The following CHD7 variants were observed in gnomAD, a reference collection of about 807,000 sequenced individuals.
The protein encoded by CHD7 is chromodomain helicase DNA binding protein 7.
CHD7 carries 24 observed loss-of-function variants against 307.3 expected under a neutral mutation model. The ratio of observed to expected loss-of-function variants is 0.08; its 90% CI spans 0.06 to 0.11. The LOEUF is 0.11. Among genes scored for constraint, CHD7 ranks in the 10% least tolerant of loss-of-function variants. CHD7 has a pLI of 1.00. For synonymous variants in CHD7, 1,363 were observed against 1,349.9 expected (o/e 1.01, Z -0.21); for missense variants, 3,106 against 3,727.1 (o/e 0.83, Z 4.34).
At chr8:60,760,129 C>T (rs1188861235) in intron 2 of CHD7, among the ~76,000 whole-genome samples, 1 of 152,160 alleles carries the variant, frequency 6.6e-6, no homozygotes, top group Non-Finnish European at 1.5e-5. Context: ...CTTTGGAAAT[C>T]TGAAATATAC....
chr8:60,824,043 T>C (rs1296397514), intron 13 of CHD7, 27 bp downstream of exon 13: 1 of 1,593,470 alleles, frequency 6.3e-7, no homozygotes, highest in East Asian at 2.2e-5. Context: ...GTGATTGCAC[T>C]GAACCTGAAT....
intron 2 of CHD7, among the ~76,000 whole-genome samples, chr8:60,772,818 A>G (rs1810773917): frequency 6.6e-6 from 1 of 152,220 alleles, no homozygotes; most frequent in Admixed American, 6.5e-5. Flanking sequence ...ACTTCTAGAA[A>G]ATAATGTCCA....
intron 1 of CHD7, among the ~76,000 whole-genome samples, chr8:60,718,736 A>C (rs1276837517): frequency 1.3e-5 from 2 of 152,216 alleles, no homozygotes; most frequent in Non-Finnish European, 1.5e-5. Context: ...CAATGTTTAT[A>C]AAGTCTACAG....
At chr8:60,819,876 A>G in intron 8 of CHD7, 131 bp from the exon 9 acceptor site, 1 of 639,792 alleles carries the variant, frequency 1.6e-6, no homozygotes. Context: ...TTCAATTAAT[A>G]TAATAGAATT....
intron 9 of CHD7, among the ~76,000 whole-genome samples, chr8:60,821,447 T>A (rs1586388208): frequency 6.6e-6 from 1 of 152,050 alleles, no homozygotes; most frequent in Non-Finnish European, 1.5e-5. Context: ...TTTCTGTCAA[T>A]TCAGACTTAC....
At chr8:60,696,494 A>G (rs1307682020) in intron 1 of CHD7, among the ~76,000 whole-genome samples, 1 of 152,230 alleles carries the variant, frequency 6.6e-6, no homozygotes, top group East Asian at 1.9e-4. Context: ...ACATGGGAGC[A>G]GTAACAGTAC....
intron 1 of CHD7, among the ~76,000 whole-genome samples, chr8:60,688,779 T>A (rs2150484215): frequency 6.6e-6 from 1 of 152,324 alleles, no homozygotes; most frequent in Non-Finnish European, 1.5e-5. Flanking sequence ...TCCTAGATGA[T>A]CAGTGGTGTA....
Position 60,845,330 on chromosome 8 carries a change from G to A in CHD7, c.5131G>A (p.Asp1711Asn), listed in dbSNP as rs748590759. The A allele has an allele frequency of 7.4e-6, 12 of 1,613,858 alleles. 1 individual carries two copies. Among genetic ancestry groups the A allele is most frequent in the South Asian group, 5.5e-5 (5 of 91,078 alleles). Residue 1711 changes from aspartate to asparagine, a missense_variant, in exon 23 of 38, where the codon GAC (aspartate) becomes AAC (asparagine). Asp to Asn is a conservative substitution (Grantham distance 23). Transcript: ENST00000423902. The part of the protein sequence containing the change: ...QSTQPVVQDA[D>N]WLASCNPDAL... ...CACACAGCCGGTGGTGCAGGATGCCGACTGGCTGGCCAGCTGCAACCCAGA... is the reference window on the plus strand; with the variant it reads ...CACACAGCCGGTGGTGCAGGATGCCAACTGGCTGGCCAGCTGCAACCCAGA...
In CHD7 at chr8:60,867,197, G is replaced by A. The variant is rs1189272672; in HGVS notation, c.*1264G>A. On this transcript the variant is annotated 3_prime_UTR_variant, in exon 38 of 38. Transcript: ENST00000423902. ...GAGAATACTTAGAAATGTGTGCAGC[G>A]TGTGATAATGTGGTACACTGAAGAA... 8.5e-5 allele frequency: 13 copies of A among 152,180 alleles called. No homozygotes were observed. The highest frequency in any genetic ancestry group is 1.3e-4 in the Admixed American group (2 of 15,284). 9.4% of individuals were successfully genotyped at this position (152,180 alleles called of 1,614,324 possible).
intron 1 of CHD7, among the ~76,000 whole-genome samples, chr8:60,715,102 T>C (rs1395653966): frequency 6.6e-6 from 1 of 152,184 alleles, no homozygotes; most frequent in South Asian, 2.1e-4. Context: ...AGAAAGACAT[T>C]AGAGTTTTAT....
chr8:60,810,388 T>A (rs950127803), intron 7 of CHD7, among the ~76,000 whole-genome samples: 8 of 151,728 alleles, frequency 5.3e-5, no homozygotes, highest in Admixed American at 2.0e-4. Flanking sequence ...AGAGTGTGTG[T>A]GTGTGTGTGT....
At chr8:60,681,515 G>T (rs1194486317) in intron 1 of CHD7, among the ~76,000 whole-genome samples, 2 of 152,156 alleles carry the variant, frequency 1.3e-5, no homozygotes, top group Non-Finnish European at 2.9e-5. Flanking sequence ...CTTCCAGTTT[G>T]CTCAGGAAAA....
At position 60,742,053 on chromosome 8, in the gene CHD7, G is replaced by A; in HGVS notation, c.621G>A (p.Gln207=). The part of the protein sequence containing the change: ...DFSMQQHGQP[Q]QRMSQFSQGQ... ...CCATGCAGCAGCATGGTCAGCCACA[G>A]CAGAGGATGAGCCAGTTTTCCCAAG... The change falls in exon 2 of 38, where the codon CAG becomes CAA. Residue 207 remains glutamine (Q), a synonymous_variant. Transcript: ENST00000423902. 1 of 1,613,912 alleles carries A rather than the reference G, an allele frequency of 6.2e-7. No individual in the cohort carries two copies. Among genetic ancestry groups the A allele is most frequent in the South Asian group, 1.1e-5 (1 of 91,088 alleles).
intron 7 of CHD7, among the ~76,000 whole-genome samples, chr8:60,816,113 G>GTCTGTCTGTCTCTCTCTC (rs58405811): frequency 3.0e-4 from 42 of 139,318 alleles, no homozygotes; most frequent in South Asian, 1.4e-3. Flanking sequence ...CTGTCTGTCT[G>GTCTGTCTGTCTCTCTCTC]TCTCTCTCTC....
intron 1 of CHD7, among the ~76,000 whole-genome samples, chr8:60,711,730 A>G (rs1807289751): frequency 6.6e-6 from 1 of 152,208 alleles, no homozygotes; most frequent in African/African-American, 2.4e-5. Context: ...CAGACATATT[A>G]GTGTTATTTT....
intron 23 of CHD7, among the ~76,000 whole-genome samples, chr8:60,845,922 A>T (rs1378604561): frequency 1.3e-5 from 2 of 152,114 alleles, no homozygotes; most frequent in Non-Finnish European, 2.9e-5. Flanking sequence ...TTCTGTTTCT[A>T]TTAGTTTGTC....
At chr8:60,793,029 G>A (rs1271112386) in intron 3 of CHD7, among the ~76,000 whole-genome samples, 1 of 152,248 alleles carries the variant, frequency 6.6e-6, no homozygotes, top group East Asian at 1.9e-4. Context: ...AGCCAAAAGA[G>A]CAGGTGCTGG....
rs1809105436 is a variant in CHD7 at position 60,742,653 on chromosome 8, C to T, written c.1221C>T (p.Gly407=). 1 of 1,610,490 alleles carries T rather than the reference C, an allele frequency of 6.2e-7. No homozygotes were observed. Among genetic ancestry groups the T allele is most frequent in the Non-Finnish European group, 8.5e-7 (1 of 1,177,496 alleles). ...SPMKAMSNPA[G]TPPPQVRPGS... ...TGAAAGCAATGAGTAATCCAGCAGG[C>T]ACTCCTCCTCCACAAGTCAGGCCGG... The change falls in exon 2 of 38, where the codon GGC becomes GGT. Residue 407 remains glycine (G), a synonymous_variant. Coordinates refer to ENST00000423902, the MANE Select transcript of CHD7 (RefSeq NM_017780.4).
chr8:60,747,333 C>A lies in CHD7; in HGVS notation c.1665+4236C>A, dbSNP rs576632239. ...CCTCAGATGATCCACCCGCTGTGGCCTCCCAAAGTGCTGGGATTACAGGCA... is the reference window on the plus strand; with the variant it reads ...CCTCAGATGATCCACCCGCTGTGGCATCCCAAAGTGCTGGGATTACAGGCA... On this transcript the variant is annotated intron_variant, in intron 2 of 37. Transcript: ENST00000423902. 1.2e-4 allele frequency among the ~76,000 whole-genome samples: 18 copies of A among 152,218 alleles called. 1 individual carries two copies. In the South Asian group the frequency reaches 1.7e-3, roughly 14 times the overall value.
Sources: gnomAD v4.1 joint callset for allele counts (sites outside exome capture counted in the v4.1 genomes callset) on GRCh38, gnomAD v4.1.1 for gene constraint, MANE v1.5 for transcripts, NCBI Gene and HGNC (gene_info 2026-07-23, HGNC 2026-07-21) for gene names.